Variants in PSMB10 observed in about 807,000 individuals in gnomAD.
PSMB10 encodes the protein proteasome 20S subunit beta 10, also known as proteasome subunit beta type-10.
Under a neutral mutation model 29.8 loss-of-function variants are expected in PSMB10, and 29 were observed. The observed-to-expected ratio is 0.97, with a 90% confidence interval of 0.73 to 1.33. The LOEUF (loss-of-function observed/expected upper bound fraction) is 1.33, where lower values mean the gene tolerates loss of function less well. PSMB10 is among the 40% of genes most tolerant of loss of function. The probability of loss-of-function intolerance (pLI) is 0.00; values close to 1 mark genes in which losing one functional copy is unlikely to be tolerated. For missense variants in PSMB10, 327 were observed against 369.2 expected (o/e 0.89, Z 0.94); for synonymous variants, 157 against 164.7 (o/e 0.95, Z 0.36).
chr16:67,935,638 T>G lies in PSMB10; in HGVS notation c.443A>C (p.Gln148Pro). 6.2e-7 allele frequency: 1 copy of G among 1,614,200 alleles called. No individual in the cohort carries two copies. Among genetic ancestry groups the G allele is most frequent in the Non-Finnish European group, 8.5e-7 (1 of 1,180,026 alleles). ...IVGGVDLTGP[Q>P]LYGVHPHGSY... is the part of the protein sequence containing the mutation. ...GCCATGGGGATGCACACCGTAGAGC[T>G]GCGGTCCAGTCAGGTCTACGCCGCC... The change falls in exon 5 of 8, where the codon CAG becomes CCG. Residue 148 changes from glutamine to proline, a missense_variant. Physicochemically the swap from Gln to Pro is moderately conservative, Grantham distance 76 (BLOSUM62 -1). Transcript: ENST00000358514.
In PSMB10 at chr16:67,934,546, C is replaced by T. The variant is rs1237638470; in HGVS notation, c.*14G>A. 6.2e-7 allele frequency: 1 copy of T among 1,608,102 alleles called. No homozygotes were observed. The highest frequency in any genetic ancestry group is 2.2e-5 in the East Asian group (1 of 44,840). On this transcript the variant is annotated 3_prime_UTR_variant, in exon 8 of 8. Transcript: ENST00000358514. The surrounding 1 kb of genome is among the most constrained non-coding windows in gnomAD (Gnocchi z 4.3). ...TGGGTTTATTCCCCCTTGTTCCAAGCTCTAAGCCTCAGCTTACTCCACCTC... is the reference window on the plus strand; with the variant it reads ...TGGGTTTATTCCCCCTTGTTCCAAGTTCTAAGCCTCAGCTTACTCCACCTC...
chr16:67,936,648 A>G (rs2058265441), intron 1 of PSMB10, 46 bp downstream of exon 1: 1 of 1,522,510 alleles, frequency 6.6e-7, no homozygotes, highest in South Asian at 1.2e-5. Context: ...GCCACGAGCA[A>G]GCAGAGGCGG....
intron 6 of PSMB10, chr16:67,935,183 C>T (rs1044323724): frequency 1.7e-5 from 12 of 697,854 alleles, no homozygotes; most frequent in African/African-American, 1.3e-4. Flanking sequence ...TCCTTCTCTC[C>T]GCCCTCGGCT....
In PSMB10 at chr16:67,936,799, G is replaced by T; in HGVS notation, c.-50C>A. On this transcript the variant is annotated 5_prime_UTR_variant, in exon 1 of 8. The change creates a new upstream start codon in the 5' untranslated region. Coordinates refer to ENST00000358514, the MANE Select transcript of PSMB10 (RefSeq NM_002801.4). ...GGGTCGCGGGCGGATGAGTCGGCCA[G>T]ACAAGCGGGGCCAGTGAGCAGCTAA... 6.7e-7 allele frequency: 1 copy of T among 1,481,922 alleles called. No homozygotes were observed. The highest frequency in any genetic ancestry group is 1.2e-5 in the South Asian group (1 of 82,158). The allele number at this position is 1,481,922 out of a possible 1,614,324, so 91.8% of individuals were successfully genotyped here. A position where few individuals can be genotyped will look rare whatever the true frequency, so the allele number is the denominator to read the frequency against.
chr16:67,934,970 AC>A lies in PSMB10; in HGVS notation c.559-23del. On this transcript the variant is annotated intron_variant, in intron 6 of 7. Transcript: ENST00000358514. The surrounding 1 kb of genome is among the most constrained non-coding windows in gnomAD (Gnocchi z 4.3). ...CCAGCTGCGGTGATGGGTGTGTGAG[AC>A]CTAACGGGCTCTCTCTGCTGTTAAC... 6.2e-7 allele frequency: 1 copy of A among 1,604,904 alleles called. No homozygotes were observed. The highest frequency in any genetic ancestry group is 8.5e-7 in the Non-Finnish European group (1 of 1,178,920).
At position 67,936,201 on chromosome 16, in the gene PSMB10, C is replaced by A; in HGVS notation, c.242+14G>T. 2 of 1,613,750 alleles carry A rather than the reference C, an allele frequency of 1.2e-6. No individual in the cohort carries two copies. The highest frequency in any genetic ancestry group is 1.7e-6 in the Non-Finnish European group (2 of 1,179,726). On this transcript the variant is annotated intron_variant, in intron 3 of 7. Transcript: ENST00000358514. Reference sequence around the variant, plus strand: ...TTCTTTTTTGCGTACGGGAACTGGGCTCGGGAGTCTCACTAGATTTTGGGG... The same window carrying A: ...TTCTTTTTTGCGTACGGGAACTGGGATCGGGAGTCTCACTAGATTTTGGGG...
rs2058259216 is a variant in PSMB10, at chr16:67,935,458, G to A, written c.520C>T (p.Leu174=). ...TGGAACCGGTCTTCTAGCACCGCCA[G>A]GGCCGCGTCCTGACCAGAGCCTGAA... ...TALGSGQDAA[L]AVLEDRFQPN... Residue 174 remains leucine (L), a synonymous_variant, in exon 6 of 8, where the codon CTG becomes TTG. Coordinates refer to ENST00000358514, the MANE Select transcript of PSMB10 (RefSeq NM_002801.4). 2.5e-6 allele frequency: 4 copies of A among 1,614,166 alleles called. No homozygotes were observed. Among genetic ancestry groups the A allele is most frequent in the Non-Finnish European group, 3.4e-6 (4 of 1,180,044 alleles).
Position 67,934,840 on chromosome 16 carries a change from T to G in PSMB10, c.667A>C (p.Lys223Gln). The G allele has an allele frequency of 6.2e-7, 1 of 1,614,118 alleles. No individual in the cohort carries two copies. Among genetic ancestry groups the G allele is most frequent in the Non-Finnish European group, 8.5e-7 (1 of 1,180,018 alleles). Residue 223 changes from lysine to glutamine, a missense_variant, in exon 7 of 8, where the codon AAG (lysine) becomes CAG (glutamine). Transcript: ENST00000358514. This position sits in a 1 kb window ranked among gnomAD's most constrained non-coding sequence, Gnocchi z 4.3. ...DACVITKTGA[K>Q]LLRTLSSPTE... ...GGTGAGCTCAGTGTCCGCAGCAGCT[T>G]GGCGCCAGTCTTTGTGATCACACAT...
Position 67,936,305 on chromosome 16 carries a change from AC to A in PSMB10, c.151del (p.Val51SerfsTer37), listed in dbSNP as rs2058263705. 3 of 1,612,072 alleles carry A rather than the reference AC, an allele frequency of 1.9e-6. No individual in the cohort carries two copies. The part of the protein sequence containing the change: ...TIAGLVFQDG[V>X]ILGADTRATN... ...GGCTCGCGTATCGGCGCCCAGAATGACCCCGTCCTGAGGAGAGGGAGGGACC... is the reference window on the plus strand; with the variant it reads ...GGCTCGCGTATCGGCGCCCAGAATGACCCGTCCTGAGGAGAGGGAGGGACC... On this transcript the variant is annotated frameshift_variant, in exon 3 of 8. Coordinates refer to ENST00000358514, the MANE Select transcript of PSMB10 (RefSeq NM_002801.4). LOFTEE classifies it high-confidence loss of function.
rs1458483701 is a variant in PSMB10 at position 67,935,955 on chromosome 16, C to T, written c.383+8G>A. Reference sequence around the variant, plus strand: ...CCTGCCGGGGTCCTGTTAGCCCTGCCCCCGCACCTGAAGAGCGTCTGGCGC... The same window carrying T: ...CCTGCCGGGGTCCTGTTAGCCCTGCTCCCGCACCTGAAGAGCGTCTGGCGC... On this transcript the variant is annotated splice_region_variant and intron_variant, in intron 4 of 7. Coordinates refer to ENST00000358514, the MANE Select transcript of PSMB10 (RefSeq NM_002801.4). 3 of 1,605,830 alleles carry T rather than the reference C, an allele frequency of 1.9e-6. No homozygotes were observed. The highest frequency in any genetic ancestry group is 8.5e-7 in the Non-Finnish European group (1 of 1,174,566).
Position 67,934,511 on chromosome 16 carries a change from CTG to C in PSMB10, c.*47_*48del, listed in dbSNP as rs769528423. On this transcript the variant is annotated 3_prime_UTR_variant, in exon 8 of 8. Coordinates refer to ENST00000358514, the MANE Select transcript of PSMB10 (RefSeq NM_002801.4). This position sits in a 1 kb window ranked among gnomAD's most constrained non-coding sequence, Gnocchi z 4.3. The stretch of plus-strand genomic sequence containing the variant: ...AAGAATGACACAGCCATCTGTTTAA[CTG>C]TATTTTCTGGGTTTATTCCCCCTTG... 6.5e-7 allele frequency: 1 copy of C among 1,534,368 alleles called. No individual in the cohort carries two copies. Among genetic ancestry groups the C allele is most frequent in the Non-Finnish European group, 9.0e-7 (1 of 1,107,946 alleles).
Position 67,935,636 on chromosome 16 carries a change from G to A in PSMB10, c.445C>T (p.Leu149Phe). The A allele has an allele frequency of 6.2e-7, 1 of 1,614,228 alleles. No homozygotes were observed. Among genetic ancestry groups the A allele is most frequent in the Non-Finnish European group, 8.5e-7 (1 of 1,180,040 alleles). Residue 149 changes from leucine (L) to phenylalanine (F), a missense_variant, in exon 5 of 8, where the codon CTC becomes TTC. Physicochemically the swap from Leu to Phe is conservative, Grantham distance 22. Coordinates refer to ENST00000358514, the MANE Select transcript of PSMB10 (RefSeq NM_002801.4). Reference sequence around the variant, plus strand: ...GAGCCATGGGGATGCACACCGTAGAGCTGCGGTCCAGTCAGGTCTACGCCG... The same window carrying A: ...GAGCCATGGGGATGCACACCGTAGAACTGCGGTCCAGTCAGGTCTACGCCG... ...VGGVDLTGPQ[L>F]YGVHPHGSYS... is the part of the protein sequence containing the mutation.
rs1456672558 is a variant in PSMB10 at position 67,934,602 on chromosome 16, C to T, written c.780G>A (p.Leu260=). Residue 260 remains leucine (L), a synonymous_variant, in exon 8 of 8, where the codon CTG becomes CTA. Transcript: ENST00000358514. This position sits in a 1 kb window ranked among gnomAD's most constrained non-coding sequence, Gnocchi z 4.3. ...CCTGCACAGTTTCCTCCACTAGCTC[C>T]AGGGTTAGTGGCTTCACTGTCTGGG... ...VLTQTVKPLT[L]ELVEETVQAM... 1 of 1,614,058 alleles carries T rather than the reference C, an allele frequency of 6.2e-7. No homozygotes were observed. Among genetic ancestry groups the T allele is most frequent in the Non-Finnish European group, 8.5e-7 (1 of 1,180,030 alleles).
rs2058262522 is a variant in PSMB10, at chr16:67,936,056, A to G, written c.290T>C (p.Met97Thr). The G allele has an allele frequency of 6.2e-7, 1 of 1,612,498 alleles. No homozygotes were observed. The highest frequency in any genetic ancestry group is 8.5e-7 in the Non-Finnish European group (1 of 1,179,028). The change falls in exon 4 of 8, where the codon ATG (methionine) becomes ACG (threonine). Residue 97 changes from methionine (M) to threonine (T), a missense_variant. By Grantham distance (81) the Met-to-Thr change is moderately conservative. Transcript: ENST00000358514. Reference sequence around the variant, plus strand: ...GTGTAGCTCCATCTTGGACGCCACCATCCGTGTGGTCATCTCGGCGTCCGC... The same window carrying G: ...GTGTAGCTCCATCTTGGACGCCACCGTCCGTGTGGTCATCTCGGCGTCCGC... Reference protein sequence around the residue: ...VAADAEMTTRMVASKMELHAL... With the variant: ...VAADAEMTTRTVASKMELHAL...
chr16:67,935,439 C>T lies in PSMB10; in HGVS notation c.539G>A (p.Arg180Gln), dbSNP rs1280681122. 1 of 1,614,090 alleles carries T rather than the reference C, an allele frequency of 6.2e-7. No homozygotes were observed. The highest frequency in any genetic ancestry group is 1.7e-5 in the Admixed American group (1 of 60,032). The change falls in exon 6 of 8, where the codon CGG becomes CAG. Residue 180 changes from arginine to glutamine, a missense_variant. By Grantham distance (43) the Arg-to-Gln change is conservative (BLOSUM62 1). Coordinates refer to ENST00000358514, the MANE Select transcript of PSMB10 (RefSeq NM_002801.4). ...GCTCACCGTCATGTTCGGCTGGAAC[C>T]GGTCTTCTAGCACCGCCAGGGCCGC... is the stretch of plus-strand genomic sequence containing the variant. ...QDAALAVLED[R>Q]FQPNMTLEAA...
In PSMB10 at chr16:67,936,466, C is replaced by A. The variant is rs200881675; in HGVS notation, c.76G>T (p.Val26Phe). Residue 26 changes from valine (V) to phenylalanine (F), a missense_variant, in exon 2 of 8, where the codon GTC becomes TTC. Val to Phe is a conservative substitution (Grantham distance 50). Coordinates refer to ENST00000358514, the MANE Select transcript of PSMB10 (RefSeq NM_002801.4). ...NCQRNASLER[V>F]LPGLKVPHAR... ...TGAGGGACCTTGAGCCCCGGGAGGA[C>A]GCGTTCCAATGATGCATTTCTGGAA... is the stretch of plus-strand genomic sequence containing the variant. The A allele has an allele frequency of 9.3e-6, 15 of 1,613,314 alleles. No homozygotes were observed. Among genetic ancestry groups the A allele is most frequent in the Non-Finnish European group, 1.1e-5 (13 of 1,179,890 alleles).
rs748854012 is a variant in PSMB10 at position 67,936,300 on chromosome 16, G to C, written c.157C>G (p.Leu53Val). The change falls in exon 3 of 8, where the codon CTG (leucine) becomes GTG (valine). Residue 53 changes from leucine to valine, a missense_variant. Physicochemically the swap from Leu to Val is conservative, Grantham distance 32. Transcript: ENST00000358514. ...TTAGTGGCTCGCGTATCGGCGCCCA[G>C]AATGACCCCGTCCTGAGGAGAGGGA... is the stretch of plus-strand genomic sequence containing the variant. ...AGLVFQDGVI[L>V]GADTRATNDS... 6.2e-7 allele frequency: 1 copy of C among 1,613,538 alleles called. No individual in the cohort carries two copies. Among genetic ancestry groups the C allele is most frequent in the Non-Finnish European group, 8.5e-7 (1 of 1,179,928 alleles).
In PSMB10 at chr16:67,935,437, A is replaced by G; in HGVS notation, c.541T>C (p.Phe181Leu). 6.2e-7 allele frequency: 1 copy of G among 1,614,086 alleles called. No individual in the cohort carries two copies. The highest frequency in any genetic ancestry group is 2.2e-5 in the East Asian group (1 of 44,878). The change falls in exon 6 of 8, where the codon TTC becomes CTC. Residue 181 changes from phenylalanine to leucine, a missense_variant. Coordinates refer to ENST00000358514, the MANE Select transcript of PSMB10 (RefSeq NM_002801.4). ...DAALAVLEDR[F>L]QPNMTLEAAQ... ...CCGCTCACCGTCATGTTCGGCTGGA[A>G]CCGGTCTTCTAGCACCGCCAGGGCC... is the stretch of plus-strand genomic sequence containing the variant.
intron 1 of PSMB10, 72 bp downstream of exon 1, chr16:67,936,622 C>G (rs2058265334): frequency 2.0e-6 from 3 of 1,479,814 alleles, no homozygotes; most frequent in South Asian, 1.3e-5. Flanking sequence ...TCCCCCACCC[C>G]CAGCCAGGAA....
Sources: gnomAD v4.1 joint callset for allele counts on GRCh38, gnomAD v4.1.1 for gene constraint, Gnocchi (gnomAD v3.1) non-coding constraint, MANE v1.5 for transcripts, NCBI Gene and HGNC (gene_info 2026-07-23, HGNC 2026-07-21) for gene names.